The following NRXN3 variants were observed in gnomAD, a reference collection of about 807,000 sequenced individuals.
The protein encoded by NRXN3 is neurexin 3.
Under a neutral mutation model 137.6 loss-of-function variants are expected in NRXN3, and 32 were observed. The observed-to-expected ratio is 0.23, with a 90% CI of 0.18 to 0.31. NRXN3 has a LOEUF of 0.31. Ranked by LOEUF, NRXN3 falls within the 10% of genes least tolerant of loss-of-function variation. NRXN3 has a pLI of 1.00. For synonymous variants in NRXN3, 798 were observed against 784.5 expected (o/e 1.02, Z -0.29); for missense variants, 1,574 against 2,062.5 (o/e 0.76, Z 4.59).
At chr14:78,496,017 G>A (rs1028989663) in intron 4 of NRXN3, among the ~76,000 whole-genome samples, 2 of 152,170 alleles carry the variant, frequency 1.3e-5, no homozygotes, top group Admixed American at 6.5e-5. Context: ...TTGATTATAG[G>A]AGTTGTGAAG....
chr14:79,067,029 A>G (rs563456110), intron 15 of NRXN3, among the ~76,000 whole-genome samples: 1 of 152,202 alleles, frequency 6.6e-6, no homozygotes, highest in East Asian at 1.9e-4. Flanking sequence ...GAGGAAAGGC[A>G]TCGTTGTCTT....
intron 14 of NRXN3, among the ~76,000 whole-genome samples, chr14:78,983,343 T>A (rs1460801923): frequency 6.6e-6 from 1 of 152,208 alleles, no homozygotes; most frequent in Non-Finnish European, 1.5e-5. Context: ...ATATCTGCAT[T>A]CCCATGTTCA....
chr14:79,095,651 G>C (rs1286778873), intron 15 of NRXN3, among the ~76,000 whole-genome samples: 1 of 103,216 alleles, frequency 9.7e-6, no homozygotes, highest in African/African-American at 2.8e-5. Flanking sequence ...ATAATGTCTA[G>C]AAAATACATG....
chr14:78,307,576 A>T (rs575557544), intron 4 of NRXN3, among the ~76,000 whole-genome samples: 3 of 152,120 alleles, frequency 2.0e-5, no homozygotes, highest in African/African-American at 7.2e-5. Flanking sequence ...GTTTCCCTCT[A>T]TACAAAGAGA....
intron 19 of NRXN3, among the ~76,000 whole-genome samples, chr14:79,803,933 G>GTA (rs150295285): frequency 0.11 from 14,953 of 141,150 alleles, 1,033 homozygotes; most frequent in African/African-American, 0.2. Context: ...ATATGTGTGT[G>GTA]TATATATATA....
Position 78,793,548 on chromosome 14 carries a change from G to A in NRXN3, c.2045-10072G>A, listed in dbSNP as rs140829760. Among the ~76,000 whole-genome samples, 354 of 152,294 alleles carry A rather than the reference G, an allele frequency of 2.3e-3. 2 individuals carry two copies. The highest frequency in any genetic ancestry group is 8.3e-3 in the African/African-American group (343 of 41,564). ...CAAAGTCTGGAGGAAACCAGGCACA[G>A]GTTTCCAAGAGTCCTCTCCCAGTTA... On this transcript the variant is annotated intron_variant, in intron 8 of 20. Transcript: ENST00000335750.
intron 3 of NRXN3, among the ~76,000 whole-genome samples, chr14:78,292,331 A>C (rs535918983): frequency 6.6e-6 from 1 of 152,344 alleles, no homozygotes; most frequent in African/African-American, 2.4e-5. Context: ...TATAATTTAC[A>C]TATGATTTGC....
intron 15 of NRXN3, among the ~76,000 whole-genome samples, chr14:79,318,406 G>C (rs188877781): frequency 1.1e-4 from 16 of 152,296 alleles, no homozygotes; most frequent in Admixed American, 9.2e-4. Context: ...ACACGGAGTA[G>C]ATCTCGGATT....
intron 15 of NRXN3, among the ~76,000 whole-genome samples, chr14:79,358,910 G>A (rs1172433352): frequency 6.6e-6 from 1 of 152,148 alleles, no homozygotes; most frequent in African/African-American, 2.4e-5. Flanking sequence ...TCATCAACTA[G>A]GGCAAAGGGG....
chr14:79,194,019 C>T (rs374735766), intron 15 of NRXN3, among the ~76,000 whole-genome samples: 2 of 152,246 alleles, frequency 1.3e-5, no homozygotes, highest in South Asian at 2.1e-4. Context: ...TTTTAACTTT[C>T]TTCAAACACT....
At chr14:79,153,167 C>T (rs1018688649) in intron 15 of NRXN3, among the ~76,000 whole-genome samples, 1 of 151,894 alleles carries the variant, frequency 6.6e-6, no homozygotes, top group African/African-American at 2.4e-5. Flanking sequence ...GATTATCTCC[C>T]CAACATGAGA....
At chr14:79,301,528 T>A (rs1240875648) in intron 15 of NRXN3, among the ~76,000 whole-genome samples, 1 of 152,014 alleles carries the variant, frequency 6.6e-6, no homozygotes, top group Non-Finnish European at 1.5e-5. Flanking sequence ...GAATCTACTG[T>A]AGGGAACACA....
chr14:79,602,284 T>G (rs931590449), intron 16 of NRXN3, among the ~76,000 whole-genome samples: 2 of 152,216 alleles, frequency 1.3e-5, no homozygotes, highest in Non-Finnish European at 2.9e-5. Context: ...AGCTGTCTCC[T>G]AACAAGATTG....
rs533950634 is a variant in NRXN3, at chr14:79,866,954, G to A, written c.*4990G>A. 10 of 152,262 alleles carry A rather than the reference G, an allele frequency of 6.6e-5. No individual in the cohort carries two copies. The highest frequency in any genetic ancestry group is 2.1e-4 in the South Asian group (1 of 4,814). The allele number at this position is 152,262 out of a possible 1,614,324, so 9.4% of individuals were successfully genotyped here. A position where few individuals can be genotyped will look rare whatever the true frequency, so the allele number is the denominator to read the frequency against. On this transcript the variant is annotated 3_prime_UTR_variant, in exon 21 of 21. Coordinates refer to ENST00000335750, the MANE Select transcript of NRXN3 (RefSeq NM_001330195.2). ...CCACTGACAGCACCAGTAGGAAGGC[G>A]CTAATGAAAAGATCTCTAAATATCA...
chr14:78,776,009 C>A (rs184581457), intron 8 of NRXN3, among the ~76,000 whole-genome samples: 1 of 152,198 alleles, frequency 6.6e-6, no homozygotes, highest in Admixed American at 6.5e-5. Flanking sequence ...ATTGTGTTAA[C>A]CTTTGGGGAT....
At chr14:79,445,347 A>AT (rs1463201545) in intron 15 of NRXN3, among the ~76,000 whole-genome samples, 1 of 151,958 alleles carries the variant, frequency 6.6e-6, no homozygotes, top group Non-Finnish European at 1.5e-5. Flanking sequence ...TCAAAAAAAA[A>AT]AAGAAAGAAA....
chr14:78,409,778 A>T (rs568209702), intron 4 of NRXN3, among the ~76,000 whole-genome samples: 1 of 152,312 alleles, frequency 6.6e-6, no homozygotes, highest in South Asian at 2.1e-4. Flanking sequence ...TATGACCCTG[A>T]CACCTTTTTC....
At chr14:79,019,702 G>GA (rs1459758515) in intron 15 of NRXN3, among the ~76,000 whole-genome samples, 1 of 152,168 alleles carries the variant, frequency 6.6e-6, no homozygotes, top group Non-Finnish European at 1.5e-5. Context: ...TTGCAAGGAG[G>GA]AAAGTAATCC....
chr14:78,925,441 G>C (rs2099285098), intron 10 of NRXN3, among the ~76,000 whole-genome samples: 1 of 152,112 alleles, frequency 6.6e-6, no homozygotes, highest in Non-Finnish European at 1.5e-5. Flanking sequence ...CACATGCATA[G>C]GGAGATTATT....
Sources: allele counts gnomAD v4.1 joint callset (sites outside exome capture counted in the v4.1 genomes callset), GRCh38; gene constraint gnomAD v4.1.1; transcripts MANE v1.5; gene names NCBI Gene and HGNC (gene_info 2026-07-23, HGNC 2026-07-21).